KIAA0825: variants seen among roughly 807,000 people sequenced by gnomAD.
The protein encoded by KIAA0825 is uncharacterized protein KIAA0825.
In KIAA0825, 119 loss-of-function variants were observed where a neutral mutation model predicts 147.6. The ratio of observed to expected loss-of-function variants is 0.81; its 90% CI spans 0.69 to 0.94. The LOEUF is 0.94. Ranked by LOEUF, KIAA0825 falls within the 40% of genes least tolerant of loss-of-function variation. The pLI, the probability that KIAA0825 is intolerant of heterozygous loss-of-function variation, is 0.00. For missense variants in KIAA0825, 1,381 were observed against 1,472.7 expected (o/e 0.94, Z 1.02); for synonymous variants, 470 against 518.1 (o/e 0.91, Z 1.26).
intron 5 of KIAA0825, among the ~76,000 whole-genome samples, chr5:94,514,894 G>A (rs1037908956): frequency 6.6e-6 from 1 of 151,822 alleles, no homozygotes; most frequent in African/African-American, 2.4e-5. Context: ...AAAAGAACAA[G>A]GGACTATGAA....
chr5:94,474,620 G>A (rs1247332339), intron 7 of KIAA0825, among the ~76,000 whole-genome samples: 1 of 151,962 alleles, frequency 6.6e-6, no homozygotes, highest in African/African-American at 2.4e-5. Context: ...CACATATACT[G>A]TACAAAGTAA....
chr5:94,426,341 CAT>C (rs928977987), intron 14 of KIAA0825, among the ~76,000 whole-genome samples: 3 of 151,930 alleles, frequency 2.0e-5, no homozygotes, highest in African/African-American at 7.3e-5. Flanking sequence ...ATAAACAAAA[CAT>C]AGTATGTATG....
intron 14 of KIAA0825, among the ~76,000 whole-genome samples, chr5:94,433,949 C>G (rs1756017624): frequency 6.6e-6 from 1 of 152,164 alleles, no homozygotes; most frequent in Non-Finnish European, 1.5e-5. Context: ...ATATTTGTTC[C>G]TTTGATGACA....
chr5:94,302,113 A>C (rs1778445598), intron 20 of KIAA0825, among the ~76,000 whole-genome samples: 1 of 152,114 alleles, frequency 6.6e-6, no homozygotes. Context: ...AGTCATGCAG[A>C]TTGGAGTTGA....
chr5:94,263,302 C>T (rs1325393114), intron 20 of KIAA0825, among the ~76,000 whole-genome samples: 3 of 152,172 alleles, frequency 2.0e-5, no homozygotes, highest in Non-Finnish European at 1.5e-5. Context: ...AATGGTCTGT[C>T]AGATGTGCCC....
intron 5 of KIAA0825, among the ~76,000 whole-genome samples, chr5:94,487,359 CAAGGG>C (rs1402059539): frequency 6.6e-6 from 1 of 152,136 alleles, no homozygotes; most frequent in African/African-American, 2.4e-5. Flanking sequence ...AGTGTTCTCC[CAAGGG>C]GTATTGTACA....
chr5:94,593,257 G>T, intron 1 of KIAA0825: 1 of 765,102 alleles, frequency 1.3e-6, no homozygotes, highest in East Asian at 2.5e-5. Flanking sequence ...TTGCTTAGCA[G>T]ATCAGCATTT....
intron 1 of KIAA0825, among the ~76,000 whole-genome samples, chr5:94,608,830 G>A (rs1307622781): frequency 1.3e-5 from 2 of 151,802 alleles, no homozygotes; most frequent in Non-Finnish European, 2.9e-5. Context: ...AATACTACAA[G>A]AGTCTCCTGA....
At chr5:94,320,495 C>T (rs1156854771) in intron 20 of KIAA0825, among the ~76,000 whole-genome samples, 1 of 151,380 alleles carries the variant, frequency 6.6e-6, no homozygotes, top group African/African-American at 2.4e-5. Flanking sequence ...CACCACCCCA[C>T]ACCCCTGCAC....
At chr5:94,287,504 TGA>T (rs1393594771) in intron 20 of KIAA0825, among the ~76,000 whole-genome samples, 1 of 152,296 alleles carries the variant, frequency 6.6e-6, no homozygotes, top group Non-Finnish European at 1.5e-5. Flanking sequence ...TCTGCAGGAT[TGA>T]GATACCTTAT....
intron 16 of KIAA0825, among the ~76,000 whole-genome samples, chr5:94,397,843 A>G (rs1039430368): frequency 6.6e-6 from 1 of 152,138 alleles, no homozygotes; most frequent in African/African-American, 2.4e-5. Flanking sequence ...CTGTAGTCCT[A>G]TAACTCCAGC....
intron 1 of KIAA0825, among the ~76,000 whole-genome samples, chr5:94,602,498 G>C (rs987838918): frequency 6.6e-6 from 1 of 152,150 alleles, no homozygotes; most frequent in Non-Finnish European, 1.5e-5. Context: ...TTGAATTGTA[G>C]TTCTCGTAAT....
At position 94,238,852 on chromosome 5, in the gene KIAA0825, T is replaced by C. The variant is rs371808349; in HGVS notation, c.3711-84728A>G. Among the ~76,000 whole-genome samples, 92 of 152,254 alleles carry C rather than the reference T, an allele frequency of 6.0e-4. 1 individual carries two copies. The highest frequency in any genetic ancestry group is 2.1e-3 in the African/African-American group (88 of 41,566). On this transcript the variant is annotated intron_variant, in intron 20 of 20. Coordinates refer to ENST00000682413, the MANE Select transcript of KIAA0825 (RefSeq NM_001145678.3). ...GACATTTAAATGGGAGGGAATATGA[T>C]CAACGTTAGTGCAAGATTAAAATTC...
At chr5:94,553,794 GA>G (rs924220293) in intron 2 of KIAA0825, among the ~76,000 whole-genome samples, 5 of 149,436 alleles carry the variant, frequency 3.3e-5, no homozygotes, top group South Asian at 2.1e-4. Context: ...AAAACAAAAA[GA>G]AAAAAAAATT....
Position 94,596,759 on chromosome 5 carries a change from T to G in KIAA0825, c.-152-14176A>C, listed in dbSNP as rs193285294. Among the ~76,000 whole-genome samples the G allele has an allele frequency of 2.0e-3, 300 of 152,262 alleles. 2 individuals carry two copies. The highest frequency in any genetic ancestry group is 6.7e-3 in the African/African-American group (278 of 41,560). The stretch of plus-strand genomic sequence containing the variant: ...TGTCATCTCTGATTTATTTCATCAG[T>G]GTTTTGTAATTGTCATTGTAGAGAT... On this transcript the variant is annotated intron_variant, in intron 1 of 20. Transcript: ENST00000682413.
intron 20 of KIAA0825, among the ~76,000 whole-genome samples, chr5:94,171,305 T>C (rs879421899): frequency 5.9e-5 from 9 of 152,158 alleles, no homozygotes; most frequent in Admixed American, 1.3e-4. Context: ...AAGACGTGAC[T>C]TGCTCCTTCC....
chr5:94,245,633 C>T (rs1775564819), intron 20 of KIAA0825, among the ~76,000 whole-genome samples: 1 of 152,080 alleles, frequency 6.6e-6, no homozygotes, highest in Non-Finnish European at 1.5e-5. Flanking sequence ...TGTCAGAGGA[C>T]AATCTAACCT....
At chr5:94,407,247 CA>C (rs1752187013) in intron 15 of KIAA0825, among the ~76,000 whole-genome samples, 1 of 152,142 alleles carries the variant, frequency 6.6e-6, no homozygotes, top group Non-Finnish European at 1.5e-5. Flanking sequence ...AGGCTCTGTG[CA>C]AGCAGGATGT....
chr5:94,519,610 A>G, intron 5 of KIAA0825: 1 of 597,688 alleles, frequency 1.7e-6, no homozygotes, highest in Non-Finnish European at 2.1e-6. Flanking sequence ...TAGCTATAGT[A>G]AAATGTTATA....
Sources: gnomAD v4.1 joint callset for allele counts (sites outside exome capture counted in the v4.1 genomes callset) on GRCh38, gnomAD v4.1.1 for gene constraint, MANE v1.5 for transcripts, NCBI Gene and HGNC (gene_info 2026-07-23, HGNC 2026-07-21) for gene names.